The following KIR3DL1 variants were observed in gnomAD, a reference collection of about 807,000 sequenced individuals.
KIR3DL1 encodes the protein killer cell immunoglobulin-like receptor 3DL1.
In KIR3DL1, 50 loss-of-function variants were observed where a neutral mutation model predicts 40.3. The ratio of observed to expected loss-of-function variants is 1.24; its 90% CI spans 0.99 to 1.57. KIR3DL1 has a LOEUF of 1.57. KIR3DL1 is among the 40% of genes most tolerant of loss of function. The probability of loss-of-function intolerance (pLI) is 0.00; values close to 1 mark genes in which losing one functional copy is unlikely to be tolerated. For missense variants in KIR3DL1, 661 were observed against 559.9 expected (o/e 1.18, Z -1.82); for synonymous variants, 257 against 207.2 (o/e 1.24, Z -2.07).
At chr19:54,819,428 G>A (rs2984216) in intron 3 of KIR3DL1, among the ~76,000 whole-genome samples, 26,503 of 148,236 alleles carry the variant, frequency 0.18, 2,883 homozygotes, top group South Asian at 0.3. Context: ...CCCCCACATA[G>A]ACAGCAGGAA....
At chr19:54,819,790 T>A in exon 4 of KIR3DL1, 1 of 1,611,592 alleles carries the variant, frequency 6.2e-7, no homozygotes, top group Non-Finnish European at 8.5e-7. Flanking sequence ...CCTGCAATGT[T>A]GGTCAGATAT....
chr19:54,816,643 G>T, intron 1 of KIR3DL1, 109 bp downstream of exon 1: 1 of 1,468,014 alleles, frequency 6.8e-7, no homozygotes. Flanking sequence ...GTGGAGTTAT[G>T]GGCCTGAAGT....
intron 3 of KIR3DL1, 59 bp downstream of exon 3, chr19:54,818,658 G>A: frequency 1.3e-6 from 2 of 1,568,406 alleles, no homozygotes; most frequent in South Asian, 2.3e-5. Flanking sequence ...CAGAGCTTCT[G>A]GTGGGGGTGT....
chr19:54,830,298 A>G (rs12985492), exon 9 of KIR3DL1: 638,226 of 1,510,320 alleles, frequency 0.42, 202,710 homozygotes, highest in Non-Finnish European at 0.45. Context: ...GGCCTTGAGG[A>G]CGTCTTCTAG....
chr19:54,822,060 C>T (rs888022156), intron 5 of KIR3DL1, among the ~76,000 whole-genome samples: 6 of 150,892 alleles, frequency 4.0e-5, no homozygotes, highest in African/African-American at 1.5e-4. Flanking sequence ...GATCAGGGCT[C>T]CAGGCACCCA....
intron 4 of KIR3DL1, 141 bp downstream of exon 4, chr19:54,820,153 C>T (rs2061564133): frequency 2.3e-6 from 2 of 886,068 alleles, no homozygotes; most frequent in Admixed American, 2.2e-5. Context: ...TCTGTACCAA[C>T]AGAGACAGAG....
chr19:54,829,105 A>G (rs1358626671), intron 6 of KIR3DL1, among the ~76,000 whole-genome samples: 4 of 145,090 alleles, frequency 2.8e-5, no homozygotes, highest in African/African-American at 5.0e-5. Flanking sequence ...CCAACCTCCC[A>G]CACTGGGGGT....
At chr19:54,822,347 G>A (rs1252483982) in intron 5 of KIR3DL1, among the ~76,000 whole-genome samples, 2 of 151,266 alleles carry the variant, frequency 1.3e-5, no homozygotes, top group Non-Finnish European at 2.9e-5. Flanking sequence ...TTTATATGCT[G>A]GGTGTGGTGG....
At chr19:54,830,447 G>A (rs2148220817) in exon 9 of KIR3DL1, 6 of 833,956 alleles carry the variant, frequency 7.2e-6, no homozygotes, top group Non-Finnish European at 1.1e-5. Flanking sequence ...GCTTACAAAT[G>A]TCTAGGTCCC....
At chr19:54,821,431 G>A (rs535934808) in intron 4 of KIR3DL1, 134 bp from the exon 5 acceptor site, 1 of 1,186,184 alleles carries the variant, frequency 8.4e-7, no homozygotes, top group Non-Finnish European at 1.2e-6. Flanking sequence ...GATATGAAGA[G>A]AGATGGGGTG....
chr19:54,828,891 G>A (rs145150027), intron 6 of KIR3DL1, among the ~76,000 whole-genome samples: 26,818 of 136,840 alleles, frequency 0.2, 4,758 homozygotes, highest in Middle Eastern at 0.29. Context: ...AGGGAAGGAG[G>A]GTCTGTCTGT....
At chr19:54,826,304 C>G (rs2148165538) in intron 6 of KIR3DL1, among the ~76,000 whole-genome samples, 1 of 150,370 alleles carries the variant, frequency 6.7e-6, no homozygotes, top group South Asian at 2.1e-4. Context: ...TGCATGAAAT[C>G]TATTTGTTTG....
At chr19:54,825,455 G>A (rs2061835535) in intron 6 of KIR3DL1, among the ~76,000 whole-genome samples, 1 of 150,354 alleles carries the variant, frequency 6.7e-6, no homozygotes, top group South Asian at 2.1e-4. Flanking sequence ...AGTTCCACTT[G>A]CCAAGGAATG....
chr19:54,823,752 G>A (rs2061751954), intron 5 of KIR3DL1, among the ~76,000 whole-genome samples: 4 of 151,568 alleles, frequency 2.6e-5, no homozygotes, highest in African/African-American at 7.3e-5. Context: ...TCCGCCTCCT[G>A]AAGTGCCGGA....
chr19:54,818,111 C>A (rs1389274424), intron 2 of KIR3DL1, among the ~76,000 whole-genome samples: 18 of 93,850 alleles, frequency 1.9e-4, no homozygotes, highest in South Asian at 7.3e-4. Flanking sequence ...AGAGTTGCTT[C>A]TCCAGCAACT....
intron 4 of KIR3DL1, among the ~76,000 whole-genome samples, chr19:54,820,993 T>C (rs2061603094): frequency 7.1e-6 from 1 of 140,392 alleles, no homozygotes; most frequent in South Asian, 2.6e-4. Context: ...GACTGATAGA[T>C]GATACATAGA....
chr19:54,818,545 C>T, exon 3 of KIR3DL1: 2 of 1,611,686 alleles, frequency 1.2e-6, no homozygotes, highest in Non-Finnish European at 1.7e-6. Flanking sequence ...TTCACACCCA[C>T]ACTCCCCCAC....
Position 54,821,980 on chromosome 19 carries a change from C to T in KIR3DL1, c.949+122C>T, listed in dbSNP as rs913259539. 90 of 1,244,682 alleles carry T rather than the reference C, an allele frequency of 7.2e-5. 4 individuals carry two copies. Among genetic ancestry groups the T allele is most frequent in the Middle Eastern group, 2.0e-4 (1 of 5,014 alleles). 77.1% of individuals were successfully genotyped at this position (1,244,682 alleles called of 1,614,324 possible). On this transcript the variant is annotated intron_variant, in intron 5 of 8. Coordinates refer to ENST00000391728, the Ensembl canonical transcript of KIR3DL1. ...AGAGAAGACACAGCAGGTGTGAGGG[C>T]GGAGTCAGGGCGCAGGATGGCAGAC...
chr19:54,829,548 T>C lies in KIR3DL1; in HGVS notation c.1105+83T>C, dbSNP rs45614434. The C allele has an allele frequency of 5.0e-3, 5,151 of 1,036,400 alleles. 138 individuals carry two copies. The highest frequency in any genetic ancestry group is 8.3e-3 in the South Asian group (495 of 59,302). The allele number at this position is 1,036,400 out of a possible 1,614,324, so 64.2% of individuals were successfully genotyped here. ...GAGCACACAGCTGTGTGTTCCTCAC[T>C]GGCAGGATGGTCCCTGGCCCAAGAC... is the stretch of plus-strand genomic sequence containing the variant. On this transcript the variant is annotated intron_variant, in intron 7 of 8. Coordinates refer to ENST00000391728, the Ensembl canonical transcript of KIR3DL1.
Sources: gnomAD v4.1 joint callset for allele counts (sites outside exome capture counted in the v4.1 genomes callset) on GRCh38, gnomAD v4.1.1 for gene constraint, MANE v1.5 for transcripts, NCBI Gene and HGNC (gene_info 2026-07-23, HGNC 2026-07-21) for gene names.